Variants in PCNX2 observed in about 807,000 individuals in gnomAD.
PCNX2 encodes pecanex-like protein 2.
A neutral mutation model predicts 223.8 loss-of-function variants in PCNX2; 168 were observed. The observed-to-expected ratio is 0.75, with a 90% CI of 0.66 to 0.85. PCNX2 has a LOEUF of 0.85. Among genes scored for constraint, PCNX2 ranks in the 40% least tolerant of loss-of-function variants. The pLI, the probability that PCNX2 is intolerant of heterozygous loss-of-function variation, is 0.00. For synonymous variants in PCNX2, 1,006 were observed against 1,052.6 expected (o/e 0.96, Z 0.86); for missense variants, 2,507 against 2,675.5 (o/e 0.94, Z 1.39).
intron 19 of PCNX2, among the ~76,000 whole-genome samples, chr1:233,143,620 TC>T (rs1306168974): frequency 6.6e-6 from 1 of 152,144 alleles, no homozygotes; most frequent in African/African-American, 2.4e-5. Context: ...TGATACATGC[TC>T]CAGTTTGAGA....
chr1:233,037,300 T>C (rs891160485), intron 25 of PCNX2, among the ~76,000 whole-genome samples: 12 of 152,144 alleles, frequency 7.9e-5, no homozygotes, highest in Non-Finnish European at 1.6e-4. Context: ...TTCCAGTCCT[T>C]CAGCAACACT....
Position 233,250,776 on chromosome 1 carries a change from G to A in PCNX2, c.2185C>T (p.Pro729Ser). The change falls in exon 8 of 34, where the codon CCT becomes TCT. Residue 729 changes from proline to serine, a missense_variant. Transcript: ENST00000258229. ...SGNQKEGPLQ[P>S]LPSNNDCLSQ... is the part of the protein sequence containing the mutation. ...AGACAGTCATTATTTGATGGTAGAGGCTGTAAAGGGCCTTCTTTCTGATTT... is the reference window on the plus strand; with the variant it reads ...AGACAGTCATTATTTGATGGTAGAGACTGTAAAGGGCCTTCTTTCTGATTT... The A allele has an allele frequency of 6.2e-7, 1 of 1,606,950 alleles. No individual in the cohort carries two copies. Among genetic ancestry groups the A allele is most frequent in the South Asian group, 1.1e-5 (1 of 89,124 alleles).
intron 1 of PCNX2, among the ~76,000 whole-genome samples, chr1:233,280,512 G>C (rs1054903721): frequency 1.3e-5 from 2 of 152,086 alleles, no homozygotes; most frequent in Non-Finnish European, 2.9e-5. Flanking sequence ...TAGCCAGACT[G>C]GTCTCGAACT....
intron 23 of PCNX2, chr1:233,086,801 C>A (rs1409633755): frequency 1.3e-5 from 2 of 156,976 alleles, no homozygotes; most frequent in African/African-American, 4.8e-5. Context: ...AGACATAGAA[C>A]ATTTCCATTA....
the PCNX2 span, among the ~76,000 whole-genome samples, chr1:233,315,785 T>C: frequency 6.6e-6 from 1 of 152,230 alleles, no homozygotes; most frequent in African/African-American, 2.4e-5. Flanking sequence ...ATTTATTCTC[T>C]GTGACCTTAG....
chr1:233,076,476 C>T (rs1209044718), intron 23 of PCNX2, among the ~76,000 whole-genome samples: 1 of 152,278 alleles, frequency 6.6e-6, no homozygotes, highest in Non-Finnish European at 1.5e-5. Context: ...GAGGCAGCAA[C>T]TTGAGAAGAC....
intron 19 of PCNX2, among the ~76,000 whole-genome samples, chr1:233,148,541 C>T (rs1246560906): frequency 6.6e-6 from 1 of 151,564 alleles, no homozygotes; most frequent in African/African-American, 2.4e-5. Context: ...GCTGGGATTA[C>T]ATGAGTGTGC....
At position 233,295,357 on chromosome 1, in the gene PCNX2, A is replaced by C; in HGVS notation, c.122T>G (p.Phe41Cys). 6.4e-7 allele frequency: 1 copy of C among 1,570,694 alleles called. No homozygotes were observed. The highest frequency in any genetic ancestry group is 8.6e-7 in the Non-Finnish European group (1 of 1,157,630). The part of the protein sequence containing the change: ...TNSCHLYLWL[F>C]LLLLPLALHL... ...CAGGGCCAGGGGCAGCAGCAGGAGG[A>C]ACAGCCACAGGTAGAGGTGGCAGCT... Residue 41 changes from phenylalanine to cysteine, a missense_variant, in exon 1 of 34, where the codon TTC (phenylalanine) becomes TGC (cysteine). By Grantham distance (205) the Phe-to-Cys change is radical. This residue lies in a region of PCNX2 where 1,031 missense variants were observed against 1,021.7 expected (regional missense o/e 1.01). Transcript: ENST00000258229. The surrounding 1 kb of genome is among the most constrained non-coding windows in gnomAD (Gnocchi z 4.1).
At position 232,986,460 on chromosome 1, in the gene PCNX2, G is replaced by T. The variant is rs748418464; in HGVS notation, c.5872C>A (p.Pro1958Thr). Residue 1958 changes from proline (P) to threonine (T), a missense_variant, in exon 33 of 34, where the codon CCC becomes ACC. Pro to Thr is a conservative substitution (Grantham distance 38). Coordinates refer to ENST00000258229, the MANE Select transcript of PCNX2 (RefSeq NM_014801.4). ...QRPPMLSSSGPILESRQTFLQ... is the reference protein window; with the variant it reads ...QRPPMLSSSGTILESRQTFLQ... The stretch of plus-strand genomic sequence containing the variant: ...AATGTTTGGCGGCTCTCTAAGATGG[G>T]GCCAGATGAGCTCAGCATGGGCGGC... The T allele has an allele frequency of 6.2e-7, 1 of 1,605,222 alleles. No individual in the cohort carries two copies. Among genetic ancestry groups the T allele is most frequent in the Non-Finnish European group, 8.5e-7 (1 of 1,175,270 alleles).
intron 8 of PCNX2, among the ~76,000 whole-genome samples, chr1:233,247,896 GT>G (rs1659220841): frequency 1.1e-5 from 1 of 90,754 alleles, no homozygotes; most frequent in South Asian, 3.5e-4. Context: ...AAAAAAAAAA[GT>G]GCTGAGATTG....
chr1:233,147,310 A>G (rs559716530), intron 19 of PCNX2, among the ~76,000 whole-genome samples: 1 of 152,366 alleles, frequency 6.6e-6, no homozygotes, highest in South Asian at 2.1e-4. Context: ...TATATGTATT[A>G]TATACTGTAT....
At chr1:233,005,739 C>T (rs1017985317) in intron 28 of PCNX2, among the ~76,000 whole-genome samples, 23 of 152,112 alleles carry the variant, frequency 1.5e-4, no homozygotes, top group Admixed American at 2.6e-4. Context: ...AGCAGAGGTC[C>T]GCAGGACACC....
chr1:233,180,399 T>C (rs1273725501), intron 15 of PCNX2, among the ~76,000 whole-genome samples: 1 of 152,140 alleles, frequency 6.6e-6, no homozygotes, highest in African/African-American at 2.4e-5. Flanking sequence ...CACAAACATG[T>C]CTCTCATACA....
At chr1:233,228,855 G>A (rs1003334716) in intron 9 of PCNX2, among the ~76,000 whole-genome samples, 5 of 152,146 alleles carry the variant, frequency 3.3e-5, no homozygotes, top group Non-Finnish European at 7.4e-5. Flanking sequence ...ATTCTAATCC[G>A]TATTTTTGTT....
intron 17 of PCNX2, among the ~76,000 whole-genome samples, chr1:233,171,972 T>C (rs1572015109): frequency 6.6e-6 from 1 of 152,170 alleles, no homozygotes. Flanking sequence ...TAATCTCCCA[T>C]GTGTGGGGTG....
At chr1:233,031,890 A>G in intron 25 of PCNX2, 2 of 984,536 alleles carry the variant, frequency 2.0e-6, no homozygotes, top group African/African-American at 1.8e-5. Flanking sequence ...ATACTGGACT[A>G]TAAACAGTGA....
chr1:233,026,659 T>A (rs772937057), intron 25 of PCNX2, among the ~76,000 whole-genome samples: 1 of 152,140 alleles, frequency 6.6e-6, no homozygotes. Flanking sequence ...GAATTGTTGA[T>A]GAATTTCAAC....
chr1:233,242,808 A>C (rs1050392524), intron 8 of PCNX2, among the ~76,000 whole-genome samples: 6 of 152,230 alleles, frequency 3.9e-5, no homozygotes, highest in African/African-American at 1.4e-4. Context: ...TAGGCAGATT[A>C]GCAATTCCAA....
chr1:232,997,600 T>G (rs761860393), intron 32 of PCNX2, among the ~76,000 whole-genome samples: 1 of 152,216 alleles, frequency 6.6e-6, no homozygotes, highest in Non-Finnish European at 1.5e-5. Flanking sequence ...GATCTCCTTT[T>G]CTAGTCCAAC....
Sources: gnomAD v4.1 joint callset for allele counts (sites outside exome capture counted in the v4.1 genomes callset) on GRCh38, gnomAD v4.1.1 for gene constraint, gnomAD v4.1.1 regional missense constraint, Gnocchi (gnomAD v3.1) non-coding constraint, MANE v1.5 for transcripts, NCBI Gene and HGNC (gene_info 2026-07-23, HGNC 2026-07-21) for gene names.